Variants in SEC13 observed in about 807,000 individuals in gnomAD.
SEC13 encodes protein SEC13 homolog.
A neutral mutation model predicts 49.2 loss-of-function variants in SEC13; 25 were observed. The ratio of observed to expected loss-of-function variants is 0.51; its 90% CI spans 0.37 to 0.71. SEC13 has a LOEUF of 0.71. Ranked by LOEUF, SEC13 falls within the 30% of genes least tolerant of loss-of-function variation. The pLI is 0.00. For synonymous variants in SEC13, 148 were observed against 163.9 expected, an observed-to-expected ratio of 0.90 and a Z score of 0.74; for missense variants, 383 against 417.6, an observed-to-expected ratio of 0.92 and a Z score of 0.72.
chr3:10,308,733 C>A (rs1382381066), intron 5 of SEC13, among the ~76,000 whole-genome samples: 1 of 148,652 alleles, frequency 6.7e-6, no homozygotes, highest in African/African-American at 2.5e-5. Context: ...CCAAAATTTT[C>A]TTTAAAGTCT....
At chr3:10,308,174 T>C (rs1365462219) in intron 5 of SEC13, among the ~76,000 whole-genome samples, 1 of 152,214 alleles carries the variant, frequency 6.6e-6, no homozygotes, top group Admixed American at 6.5e-5. Context: ...ATCACCTCAA[T>C]CAAGATAAGG....
rs1041681406 is a variant in SEC13 at position 10,316,778 on chromosome 3, G to C, written c.48+1272C>G. The stretch of plus-strand genomic sequence containing the variant: ...GCACTTTGGGAAGCTGAGGCGGGCG[G>C]ATCACCTGAGGTCGGGAGTTCGAGA... On this transcript the variant is annotated intron_variant, in intron 2 of 8. Coordinates refer to ENST00000350697, the MANE Select transcript of SEC13 (RefSeq NM_183352.3). Among the ~76,000 whole-genome samples, 5 of 152,110 alleles carry C rather than the reference G, an allele frequency of 3.3e-5. No homozygotes were observed. The East Asian group carries it at 5.8e-4, about 18-fold the overall frequency.
chr3:10,303,011 G>C (rs1293089001), intron 8 of SEC13, among the ~76,000 whole-genome samples: 1 of 152,210 alleles, frequency 6.6e-6, no homozygotes, highest in Non-Finnish European at 1.5e-5. Flanking sequence ...AAAGGAGAAG[G>C]GTGGCTGCCA....
rs911902668 is a variant in SEC13, at chr3:10,301,053, G to A, written c.*208C>T. 24 of 1,602,512 alleles carry A rather than the reference G, an allele frequency of 1.5e-5. No homozygotes were observed. The highest frequency in any genetic ancestry group is 2.2e-5 in the East Asian group (1 of 44,806). On this transcript the variant is annotated 3_prime_UTR_variant, in exon 9 of 9. Transcript: ENST00000350697. ...GAACATCACTTGTAGTTTCTTCCTC[G>A]TAACATGAGTGCTTTCAGCTGGACA... is the stretch of plus-strand genomic sequence containing the variant.
rs369448685 is a variant in SEC13 at position 10,321,095 on chromosome 3, C to T, written c.-43G>A. Reference sequence around the variant, plus strand: ...CTCCAGGTCTCGGACGTGGCAGCTCCCGGCGGCGCCTCGGAACAGCTCACT... The same window carrying T: ...CTCCAGGTCTCGGACGTGGCAGCTCTCGGCGGCGCCTCGGAACAGCTCACT... On this transcript the variant is annotated 5_prime_UTR_variant, in exon 1 of 9. Coordinates refer to ENST00000350697, the MANE Select transcript of SEC13 (RefSeq NM_183352.3). The surrounding 1 kb of genome is among the most constrained non-coding windows in gnomAD (Gnocchi z 4.1). The T allele has an allele frequency of 1.7e-4, 279 of 1,612,172 alleles. 1 individual carries two copies. Among genetic ancestry groups the T allele is most frequent in the Non-Finnish European group, 2.2e-4 (262 of 1,179,532 alleles).
At chr3:10,301,448 A>C in intron 8 of SEC13, 74 bp from the exon 9 acceptor site, 1 of 1,580,450 alleles carries the variant, frequency 6.3e-7, no homozygotes, top group Non-Finnish European at 8.6e-7. Flanking sequence ...TATGAGCCTC[A>C]TCCTCATCAA....
intron 1 of SEC13, chr3:10,319,259 A>G (rs999252707): frequency 1.9e-6 from 3 of 1,610,788 alleles, no homozygotes; most frequent in Non-Finnish European, 2.5e-6. Flanking sequence ...GTACACACCA[A>G]GTAAGCACAG....
intron 5 of SEC13, chr3:10,311,760 C>G: frequency 7.1e-7 from 1 of 1,417,546 alleles, no homozygotes; most frequent in Non-Finnish European, 9.2e-7. Context: ...GAGCACACAA[C>G]AAGGAAGCAG....
rs1398597300 is a variant in SEC13, at chr3:10,305,700, G to C, written c.451-8C>G. 5.6e-6 allele frequency: 9 copies of C among 1,614,056 alleles called. No individual in the cohort carries two copies. The highest frequency in any genetic ancestry group is 7.6e-6 in the Non-Finnish European group (9 of 1,180,010). On this transcript the variant is annotated splice_polypyrimidine_tract_variant and splice_region_variant and intron_variant, in intron 5 of 8. Transcript: ENST00000350697. ...GACGGCATTGCAGCCAATCTGTAAAGATGGGACACATGGTGACTCTGCCTT... is the reference window on the plus strand; with the variant it reads ...GACGGCATTGCAGCCAATCTGTAAACATGGGACACATGGTGACTCTGCCTT...
intron 5 of SEC13, among the ~76,000 whole-genome samples, chr3:10,310,576 C>T (rs867091187): frequency 3.9e-5 from 6 of 152,134 alleles, no homozygotes; most frequent in African/African-American, 1.4e-4. Context: ...AAATGACAGA[C>T]ATATGTTAGT....
At chr3:10,319,119 G>GTGGAAC (rs1303983306) in intron 1 of SEC13, 1 of 1,598,908 alleles carries the variant, frequency 6.3e-7, no homozygotes, top group Non-Finnish European at 8.5e-7. Context: ...AAGTTTCAGT[G>GTGGAAC]TGGAACAGAC....
intron 5 of SEC13, chr3:10,311,681 C>T: frequency 7.6e-7 from 1 of 1,316,846 alleles, no homozygotes. Flanking sequence ...CAGGGCATGT[C>T]ACCTGGAGGC....
chr3:10,311,213 C>T (rs1294809578), intron 5 of SEC13, among the ~76,000 whole-genome samples: 1 of 152,066 alleles, frequency 6.6e-6, no homozygotes, highest in Non-Finnish European at 1.5e-5. Flanking sequence ...TGTGAGTGCT[C>T]CTCTGGTGGA....
chr3:10,318,713 A>G (rs948761707), intron 1 of SEC13, among the ~76,000 whole-genome samples: 3 of 152,204 alleles, frequency 2.0e-5, no homozygotes, highest in Non-Finnish European at 4.4e-5. Flanking sequence ...AGTGGGATCC[A>G]GAGTTGAACA....
At chr3:10,320,823 C>T (rs2059763914) in intron 1 of SEC13, 1 of 1,323,570 alleles carries the variant, frequency 7.6e-7, no homozygotes, top group African/African-American at 1.5e-5. Flanking sequence ...TGGCAGGAGA[C>T]GCAGGAGCGG....
chr3:10,305,047 C>T lies in SEC13; in HGVS notation c.694G>A (p.Ala232Thr), dbSNP rs150466597. 7.0e-5 allele frequency: 113 copies of T among 1,613,954 alleles called. No individual in the cohort carries two copies. The highest frequency in any genetic ancestry group is 9.1e-5 in the Non-Finnish European group (107 of 1,180,032). ...CCTGGGCTGACCTGGGAGCAGCTGG[C>T]GATGGTGCTGGTGGGCAGGCCGATG... The part of the protein sequence containing the change: ...PSIGLPTSTI[A>T]SCSQDGRVFI... The change falls in exon 7 of 9, where the codon GCC becomes ACC. Residue 232 changes from alanine (A) to threonine (T), a missense_variant. Ala to Thr is a moderately conservative substitution (Grantham distance 58). Coordinates refer to ENST00000350697, the MANE Select transcript of SEC13 (RefSeq NM_183352.3).
At chr3:10,313,369 T>C (rs983650367) in intron 3 of SEC13, 66 of 515,556 alleles carry the variant, frequency 1.3e-4, no homozygotes, top group Non-Finnish European at 2.0e-5. Context: ...AGTTAGTGGT[T>C]AGGAGACCAG....
chr3:10,308,869 C>T (rs574129241), intron 5 of SEC13, among the ~76,000 whole-genome samples: 1 of 140,012 alleles, frequency 7.1e-6, no homozygotes, highest in South Asian at 2.3e-4. Context: ...TGGCCTCAAA[C>T]AGGAGTTCAC....
At chr3:10,307,438 AC>A (rs1450253514) in intron 5 of SEC13, among the ~76,000 whole-genome samples, 2 of 152,010 alleles carry the variant, frequency 1.3e-5, no homozygotes, top group Non-Finnish European at 2.9e-5. Flanking sequence ...ATAAAGACAT[AC>A]CTGAGACTGG....
Sources: allele counts gnomAD v4.1 joint callset (sites outside exome capture counted in the v4.1 genomes callset), GRCh38; gene constraint gnomAD v4.1.1; non-coding constraint Gnocchi (gnomAD v3.1); transcripts MANE v1.5; gene names NCBI Gene and HGNC (gene_info 2026-07-23, HGNC 2026-07-21).